Variants in CBLB observed in about 807,000 individuals in gnomAD.
The protein encoded by CBLB is E3 ubiquitin-protein ligase CBL-B.
CBLB carries 31 observed loss-of-function variants against 104.9 expected under a neutral mutation model. That is an observed-to-expected ratio of 0.30 (90% CI 0.22 to 0.40). CBLB has a LOEUF of 0.40. Among genes scored for constraint, CBLB ranks in the 10% least tolerant of loss-of-function variants. The pLI, the probability that CBLB is intolerant of heterozygous loss-of-function variation, is 1.00. For synonymous variants in CBLB, 440 were observed against 422.6 expected (o/e 1.04, Z -0.51); for missense variants, 1,062 against 1,214.6 (o/e 0.87, Z 1.87).
rs1438718223 is a variant in CBLB at position 105,655,521 on chromosome 3, A to C, written c.*3449T>G. 1 of 176,786 alleles carries C rather than the reference A, an allele frequency of 5.7e-6. No homozygotes were observed. The highest frequency in any genetic ancestry group is 2.4e-5 in the African/African-American group (1 of 42,272). The allele number at this position is 176,786 out of a possible 1,614,324, so 11.0% of individuals were successfully genotyped here. A position where few individuals can be genotyped will look rare whatever the true frequency, so the allele number is the denominator to read the frequency against. On this transcript the variant is annotated 3_prime_UTR_variant, in exon 19 of 19. Transcript: ENST00000394030. Reference sequence around the variant, plus strand: ...GAACAGATAAAGTACTTGAGGTTACATAATAACCAGAATTGAAAAGGAATG... The same window carrying C: ...GAACAGATAAAGTACTTGAGGTTACCTAATAACCAGAATTGAAAAGGAATG...
At chr3:105,857,899 G>A (rs2091766982) in intron 2 of CBLB, among the ~76,000 whole-genome samples, 1 of 152,160 alleles carries the variant, frequency 6.6e-6, no homozygotes, top group Non-Finnish European at 1.5e-5. Context: ...TGCTACAGGA[G>A]AAAAGCAGCA....
chr3:105,769,167 A>G (rs1277069490), intron 4 of CBLB, among the ~76,000 whole-genome samples: 2 of 150,980 alleles, frequency 1.3e-5, no homozygotes, highest in Non-Finnish European at 3.0e-5. Flanking sequence ...TACAAAAAAA[A>G]CATTGCCGGG....
Position 105,702,395 on chromosome 3 carries a change from T to A in CBLB, c.1658A>T (p.Asp553Val), listed in dbSNP as rs1175137110. Residue 553 changes from aspartate (D) to valine (V), a missense_variant, in exon 12 of 19, where the codon GAT becomes GTT. By Grantham distance (152) the Asp-to-Val change is radical (BLOSUM62 -3). Coordinates refer to ENST00000394030, the MANE Select transcript of CBLB (RefSeq NM_170662.5). ...PLPAPPPPLR[D>V]PPPPPPERPP... ...TCTTTCAGGTGGCGGTGGAGGAGGA[T>A]CTCTTAAGGGAGGAGGTGGTGCTGG... 22 of 1,609,898 alleles carry A rather than the reference T, an allele frequency of 1.4e-5. No homozygotes were observed. Among genetic ancestry groups the A allele is most frequent in the Non-Finnish European group, 1.9e-5 (22 of 1,179,346 alleles).
At chr3:105,704,219 G>C (rs777990466) in intron 10 of CBLB, 46 bp from the exon 11 acceptor site, 2 of 1,552,636 alleles carry the variant, frequency 1.3e-6, no homozygotes, top group Admixed American at 3.3e-5. Flanking sequence ...TAGCTGTGCA[G>C]AGTGTTCTCT....
At chr3:105,706,788 T>C (rs2070216612) in intron 10 of CBLB, among the ~76,000 whole-genome samples, 1 of 152,184 alleles carries the variant, frequency 6.6e-6, no homozygotes, top group Non-Finnish European at 1.5e-5. Context: ...ACAATATATT[T>C]TTTTATATAT....
chr3:105,697,160 T>TA (rs2068495227), intron 12 of CBLB, among the ~76,000 whole-genome samples: 1 of 151,974 alleles, frequency 6.6e-6, no homozygotes, highest in Non-Finnish European at 1.5e-5. Context: ...TTGAACATCC[T>TA]AGGTACTCAT....
At chr3:105,858,224 G>T (rs557088868) in intron 2 of CBLB, among the ~76,000 whole-genome samples, 1 of 152,174 alleles carries the variant, frequency 6.6e-6, no homozygotes, top group Non-Finnish European at 1.5e-5. Flanking sequence ...CAGTTCATCA[G>T]TTGGATTACT....
At position 105,671,424 on chromosome 3, in the gene CBLB, C is replaced by T. The variant is rs553212156; in HGVS notation, c.2570-1072G>A. On this transcript the variant is annotated intron_variant, in intron 17 of 18. Transcript: ENST00000394030. Reference sequence around the variant, plus strand: ...CCTAAATCAAACATAGCACCTAGAACACTCTTGGCAAATAGCTTGCACTTA... The same window carrying T: ...CCTAAATCAAACATAGCACCTAGAATACTCTTGGCAAATAGCTTGCACTTA... The T allele has an allele frequency of 2.8e-5, 6 of 216,770 alleles. No homozygotes were observed. In the South Asian group the frequency reaches 1.1e-3, roughly 40 times the overall value. 13.4% of individuals were successfully genotyped at this position (216,770 alleles called of 1,614,324 possible). A position where few individuals can be genotyped will look rare whatever the true frequency, so the allele number is the denominator to read the frequency against.
At chr3:105,736,057 C>G (rs2074900831) in intron 8 of CBLB, among the ~76,000 whole-genome samples, 1 of 152,204 alleles carries the variant, frequency 6.6e-6, no homozygotes, top group South Asian at 2.1e-4. Flanking sequence ...GAAAGGAAAT[C>G]TGGAGAATTA....
At chr3:105,785,361 G>C (rs1200493057) in intron 3 of CBLB, among the ~76,000 whole-genome samples, 1 of 152,124 alleles carries the variant, frequency 6.6e-6, no homozygotes, top group Non-Finnish European at 1.5e-5. Context: ...TCTGAAGTTT[G>C]ACTTTCAATT....
chr3:105,800,360 T>C (rs1377104757), intron 3 of CBLB, among the ~76,000 whole-genome samples: 1 of 152,138 alleles, frequency 6.6e-6, no homozygotes, highest in African/African-American at 2.4e-5. Context: ...TCCTAGTTCC[T>C]TCTAACACAC....
At chr3:105,814,534 A>G (rs546355283) in intron 3 of CBLB, among the ~76,000 whole-genome samples, 2 of 152,310 alleles carry the variant, frequency 1.3e-5, no homozygotes, top group East Asian at 3.9e-4. Flanking sequence ...GTACTTAAGG[A>G]ATGACAAAAA....
At chr3:105,673,775 A>G (rs1015071847) in intron 17 of CBLB, 1 of 152,224 alleles carries the variant, frequency 6.6e-6, no homozygotes, top group Non-Finnish European at 1.5e-5. Context: ...TTTCATTCTT[A>G]ACATTTCCCA....
intron 3 of CBLB, among the ~76,000 whole-genome samples, chr3:105,830,072 A>G (rs1406730352): frequency 6.6e-6 from 1 of 152,166 alleles, no homozygotes; most frequent in Non-Finnish European, 1.5e-5. Flanking sequence ...AACAAAGAAG[A>G]AGGAGTGATG....
rs58640968 is a variant in CBLB at position 105,780,660 on chromosome 3, G to GTTTTTTTTTTTTTTTT, written c.420-4134_420-4119dup. Among the ~76,000 whole-genome samples, 44 of 94,036 alleles carry GTTTTTTTTTTTTTTTT rather than the reference G, an allele frequency of 4.7e-4. 3 individuals carry two copies. The highest frequency in any genetic ancestry group is 4.9e-4 in the Non-Finnish European group (26 of 52,688). The allele number at this position is 94,036 out of a possible 152,430, so 61.7% of individuals were successfully genotyped here. A position where few individuals can be genotyped will look rare whatever the true frequency, so the allele number is the denominator to read the frequency against. ...TTTTACAATAAAAGTTTTGTTTTTT[G>GTTTTTTTTTTTTTTTT]TTTTTTTTTTTTTTTTTTTTGAGAT... is the stretch of plus-strand genomic sequence containing the variant. On this transcript the variant is annotated intron_variant, in intron 3 of 18. Transcript: ENST00000394030.
Position 105,714,130 on chromosome 3 carries a change from C to T in CBLB, c.1407+5917G>A, listed in dbSNP as rs531425415. Among the ~76,000 whole-genome samples, 257 of 152,138 alleles carry T rather than the reference C, an allele frequency of 1.7e-3. 1 individual carries two copies. Among genetic ancestry groups the T allele is most frequent in the African/African-American group, 4.5e-3 (186 of 41,496 alleles). On this transcript the variant is annotated intron_variant, in intron 10 of 18. Coordinates refer to ENST00000394030, the MANE Select transcript of CBLB (RefSeq NM_170662.5). ...CTGTGATTCAGATTTAAATAGACAACGTAAAAAGGCAACATCCTCCTAAAA... is the reference window on the plus strand; with the variant it reads ...CTGTGATTCAGATTTAAATAGACAATGTAAAAAGGCAACATCCTCCTAAAA...
chr3:105,661,816 T>A (rs1482222194), intron 18 of CBLB, among the ~76,000 whole-genome samples: 1 of 152,196 alleles, frequency 6.6e-6, no homozygotes. Context: ...TTTAGAGGTA[T>A]TATTTATCCC....
rs1374010709 is a variant in CBLB at position 105,670,329 on chromosome 3, C to T, written c.2593G>A (p.Gly865Ser). The change falls in exon 18 of 19, where the codon GGC becomes AGC. Residue 865 changes from glycine to serine, a missense_variant. Gly to Ser is a moderately conservative substitution (Grantham distance 56). Coordinates refer to ENST00000394030, the MANE Select transcript of CBLB (RefSeq NM_170662.5). ...CTAGCAGGAGGCAAAGGAACTTGGC[C>T]ACTTGCTAGATCAACAAAGGGATCT... ...PSDPFVDLAS[G>S]QVPLPPARRL... The T allele has an allele frequency of 6.2e-7, 1 of 1,610,986 alleles. No individual in the cohort carries two copies. The highest frequency in any genetic ancestry group is 8.5e-7 in the Non-Finnish European group (1 of 1,177,646).
chr3:105,705,454 C>T (rs1385623830), intron 10 of CBLB, among the ~76,000 whole-genome samples: 2 of 152,170 alleles, frequency 1.3e-5, no homozygotes, highest in African/African-American at 2.4e-5. Context: ...CTCCTTTTGG[C>T]TCTGACAGTT....
Sources: gnomAD v4.1 joint callset for allele counts (sites outside exome capture counted in the v4.1 genomes callset) on GRCh38, gnomAD v4.1.1 for gene constraint, MANE v1.5 for transcripts, NCBI Gene and HGNC (gene_info 2026-07-23, HGNC 2026-07-21) for gene names.